RMC1: variants seen among roughly 807,000 people sequenced by gnomAD.
The protein encoded by RMC1 is regulator of MON1-CCZ1.
Under a neutral mutation model 95.5 loss-of-function variants are expected in RMC1, and 44 were observed. The observed-to-expected ratio is 0.46, with a 90% CI of 0.36 to 0.59. The LOEUF (loss-of-function observed/expected upper bound fraction) is 0.59. Among genes scored for constraint, RMC1 ranks in the 20% least tolerant of loss-of-function variants. RMC1 has a pLI of 0.00. For missense variants in RMC1, 705 were observed against 819.6 expected, an observed-to-expected ratio of 0.86 and a Z score of 1.71; for synonymous variants, 320 against 303.6, an observed-to-expected ratio of 1.05 and a Z score of -0.56.
In RMC1 at chr18:23,503,697, T is replaced by G. The variant is rs1567909571; in HGVS notation, c.79T>G (p.Phe27Val). ...GAAGGCGAACCCTGTCAACTGCGTC[T>G]TCTTCGATGAGGCCAACAAGCAGGT... ...FEKANPVNCV[F>V]FDEANKQVFA... Residue 27 changes from phenylalanine (F) to valine (V), a missense_variant, in exon 1 of 20, where the codon TTC becomes GTC. Coordinates refer to ENST00000269221, the MANE Select transcript of RMC1 (RefSeq NM_013326.5). The G allele has an allele frequency of 3.8e-6, 6 of 1,592,482 alleles. No individual in the cohort carries two copies. The highest frequency in any genetic ancestry group is 5.1e-6 in the Non-Finnish European group (6 of 1,170,050).
intron 19 of RMC1, chr18:23,531,344 G>T: frequency 2.6e-6 from 1 of 379,070 alleles, no homozygotes; most frequent in Non-Finnish European, 4.5e-6. Context: ...TCATCTTTAG[G>T]ATAGGGAAGG....
At chr18:23,509,090 G>C (rs892084122) in intron 4 of RMC1, 103 bp from the exon 5 acceptor site, 12 of 397,934 alleles carry the variant, frequency 3.0e-5, no homozygotes, top group Non-Finnish European at 5.3e-5. Flanking sequence ...TCCGGGGAAC[G>C]TTCATTAAAG....
At chr18:23,521,584 T>A (rs577793661) in intron 10 of RMC1, among the ~76,000 whole-genome samples, 1 of 152,208 alleles carries the variant, frequency 6.6e-6, no homozygotes, top group East Asian at 1.9e-4. Context: ...AGAGTGGAGG[T>A]CAGGAATTCA....
intron 10 of RMC1, among the ~76,000 whole-genome samples, chr18:23,520,571 T>C (rs2058117524): frequency 6.6e-6 from 1 of 152,204 alleles, no homozygotes; most frequent in African/African-American, 2.4e-5. Context: ...GTGATTATCC[T>C]GCCTCAGCCT....
chr18:23,529,522 A>G (rs1374648167), intron 15 of RMC1, 113 bp from the exon 16 acceptor site: 1 of 1,253,698 alleles, frequency 8.0e-7, no homozygotes, highest in Non-Finnish European at 1.1e-6. Context: ...CCAGTGAAAG[A>G]TGAACACTGG....
rs386387173 is a variant in RMC1 at position 23,527,223 on chromosome 18, C to CAAA, written c.1189+482_1189+484dup. 2.3e-3 allele frequency among the ~76,000 whole-genome samples: 101 copies of CAAA among 43,630 alleles called. 4 individuals are homozygous for CAAA. Among genetic ancestry groups the CAAA allele is most frequent in the South Asian group, 4.1e-3 (4 of 982 alleles). 28.6% of individuals were successfully genotyped at this position (43,630 alleles called of 152,430 possible). A position where few individuals can be genotyped will look rare whatever the true frequency, so the allele number is the denominator to read the frequency against. ...ACAACATGGCAAAACCCTGTCTCTA[C>CAAA]AAAAAAAAAAAAAAAAAAAAAAAAA... is the stretch of plus-strand genomic sequence containing the variant. On this transcript the variant is annotated intron_variant, in intron 13 of 19. Coordinates refer to ENST00000269221, the MANE Select transcript of RMC1 (RefSeq NM_013326.5).
intron 7 of RMC1, 94 bp downstream of exon 7, chr18:23,516,517 A>AC (rs2058009529): frequency 2.4e-6 from 3 of 1,265,618 alleles, no homozygotes; most frequent in Non-Finnish European, 3.4e-6. Flanking sequence ...TGATGCCCTG[A>AC]CCCCTAGAAC....
At position 23,520,239 on chromosome 18, in the gene RMC1, T is replaced by G; in HGVS notation, c.887T>G (p.Phe296Cys). ...VIFDIKLRGE[F>C]DGSVTFHHPV... ...TTCGATATCAAGTTACGGGGAGAGT[T>G]TGACGGCTCCGTTACCTTCCACCAC... The change falls in exon 10 of 20, where the codon TTT (phenylalanine) becomes TGT (cysteine). Residue 296 changes from phenylalanine (F) to cysteine (C), a missense_variant. Transcript: ENST00000269221. 6.2e-7 allele frequency: 1 copy of G among 1,614,106 alleles called. No individual in the cohort carries two copies. The highest frequency in any genetic ancestry group is 8.5e-7 in the Non-Finnish European group (1 of 1,180,030).
intron 5 of RMC1, among the ~76,000 whole-genome samples, chr18:23,513,135 G>A (rs2057907861): frequency 6.6e-6 from 1 of 151,930 alleles, no homozygotes. Context: ...TGTATTTTTG[G>A]TAGAGATGGG....
At chr18:23,525,128 T>C (rs1222011180) in intron 12 of RMC1, among the ~76,000 whole-genome samples, 1 of 151,176 alleles carries the variant, frequency 6.6e-6, no homozygotes, top group Non-Finnish European at 1.5e-5. Context: ...GTATTTTTAG[T>C]AGAGACGAGG....
At chr18:23,512,683 T>A (rs1034011101) in intron 5 of RMC1, among the ~76,000 whole-genome samples, 5 of 152,152 alleles carry the variant, frequency 3.3e-5, no homozygotes, top group Admixed American at 3.3e-4. Context: ...TCTTCTGCCT[T>A]GGCCTCCCAG....
At chr18:23,526,516 T>C in intron 12 of RMC1, 121 bp from the exon 13 acceptor site, 1 of 1,182,596 alleles carries the variant, frequency 8.5e-7, no homozygotes. Context: ...CTACACTGAC[T>C]GTACTTTGCG....
At chr18:23,525,623 C>T (rs1401159494) in intron 12 of RMC1, among the ~76,000 whole-genome samples, 1 of 152,060 alleles carries the variant, frequency 6.6e-6, no homozygotes, top group Non-Finnish European at 1.5e-5. Flanking sequence ...CGGGGTTTCA[C>T]CATGTTGGCC....
At chr18:23,526,510 A>G (rs2058301663) in intron 12 of RMC1, 127 bp from the exon 13 acceptor site, 1 of 1,116,210 alleles carries the variant, frequency 9.0e-7, no homozygotes, top group Non-Finnish European at 1.3e-6. Flanking sequence ...GAAAAGCTAC[A>G]CTGACTGTAC....
At position 23,507,030 on chromosome 18, in the gene RMC1, T is replaced by G; in HGVS notation, c.240T>G (p.Ala80=). ...TTTCCTTAGAAAATAAGATATTGGCTGTTCAGAGGACCTCAAAGACTGTGG... is the reference window on the plus strand; with the variant it reads ...TTTCCTTAGAAAATAAGATATTGGCGGTTCAGAGGACCTCAAAGACTGTGG... ...IKFSLENKIL[A]VQRTSKTVDF... The change falls in exon 3 of 20, where the codon GCT becomes GCG. Residue 80 remains alanine (A), a synonymous_variant. Coordinates refer to ENST00000269221, the MANE Select transcript of RMC1 (RefSeq NM_013326.5). 6.2e-7 allele frequency: 1 copy of G among 1,608,434 alleles called. No homozygotes were observed. The highest frequency in any genetic ancestry group is 8.5e-7 in the Non-Finnish European group (1 of 1,176,842).
chr18:23,511,512 A>G (rs2057856754), intron 5 of RMC1, among the ~76,000 whole-genome samples: 1 of 152,256 alleles, frequency 6.6e-6, no homozygotes, highest in African/African-American at 2.4e-5. Flanking sequence ...CAAGATATGT[A>G]ATATGGAAAG....
intron 12 of RMC1, among the ~76,000 whole-genome samples, chr18:23,525,061 C>G (rs1426840567): frequency 6.6e-6 from 1 of 150,890 alleles, no homozygotes; most frequent in Non-Finnish European, 1.5e-5. Flanking sequence ...ATTCTCCTGC[C>G]TCAGCCTCCT....
At chr18:23,531,582 T>C (rs1182427253) in intron 19 of RMC1, 43 bp from the exon 20 acceptor site, 39 of 1,599,814 alleles carry the variant, frequency 2.4e-5, no homozygotes, top group Non-Finnish European at 3.2e-5. Context: ...TGTCCCTCAT[T>C]TCATGCCACA....
chr18:23,516,229 C>A, intron 6 of RMC1, 91 bp from the exon 7 acceptor site: 4 of 1,460,416 alleles, frequency 2.7e-6, no homozygotes, highest in Non-Finnish European at 3.8e-6. Context: ...AAGACGAAGT[C>A]TGTGTTTATC....
Sources: gnomAD v4.1 joint callset for allele counts (sites outside exome capture counted in the v4.1 genomes callset) on GRCh38, gnomAD v4.1.1 for gene constraint, MANE v1.5 for transcripts, NCBI Gene and HGNC (gene_info 2026-07-23, HGNC 2026-07-21) for gene names.